Variants in NKAIN2 observed in about 807,000 individuals in gnomAD.
NKAIN2 encodes sodium/potassium transporting ATPase interacting 2.
NKAIN2 carries 14 observed loss-of-function variants against 32.6 expected under a neutral mutation model. The ratio of observed to expected loss-of-function variants is 0.43; its 90% confidence interval spans 0.28 to 0.67. NKAIN2 has a LOEUF of 0.67. NKAIN2 is among the 30% of genes least tolerant of loss of function. NKAIN2 has a pLI of 0.17. For synonymous variants in NKAIN2, 80 were observed against 87.2 expected, an observed-to-expected ratio of 0.92 and a Z score of 0.46; for missense variants, 198 against 258.3, an observed-to-expected ratio of 0.77 and a Z score of 1.60.
intron 1 of NKAIN2, among the ~76,000 whole-genome samples, chr6:123,933,764 G>A (rs574958316): frequency 1.2e-4 from 19 of 152,280 alleles, no homozygotes; most frequent in African/African-American, 3.4e-4. Context: ...AGTCATAGGC[G>A]TAGCCCTTAC....
chr6:123,863,666 G>A (rs1055263865), intron 1 of NKAIN2, among the ~76,000 whole-genome samples: 1 of 152,144 alleles, frequency 6.6e-6, no homozygotes, highest in Non-Finnish European at 1.5e-5. Context: ...GTACACCTTG[G>A]TGCCTTCCAT....
At chr6:124,443,955 T>C (rs1775792311) in intron 3 of NKAIN2, among the ~76,000 whole-genome samples, 1 of 152,058 alleles carries the variant, frequency 6.6e-6, no homozygotes, top group South Asian at 2.1e-4. Context: ...CTTCATATAC[T>C]CTTATATGAC....
At chr6:123,996,954 C>T (rs1779644191) in intron 1 of NKAIN2, among the ~76,000 whole-genome samples, 1 of 152,044 alleles carries the variant, frequency 6.6e-6, no homozygotes, top group Admixed American at 6.6e-5. Context: ...TTTTTGATAT[C>T]ATCATTTGAA....
chr6:124,223,767 G>C (rs1472045685), intron 1 of NKAIN2, among the ~76,000 whole-genome samples: 1 of 152,092 alleles, frequency 6.6e-6, no homozygotes, highest in Non-Finnish European at 1.5e-5. Flanking sequence ...CTTCCCTATT[G>C]AGAGTTAGTT....
At chr6:124,383,036 G>T (rs540483228) in intron 3 of NKAIN2, among the ~76,000 whole-genome samples, 2 of 152,030 alleles carry the variant, frequency 1.3e-5, no homozygotes. Context: ...CAAGCATAGC[G>T]GTTAGCATTT....
At chr6:124,275,556 A>T (rs1181979604) in intron 1 of NKAIN2, among the ~76,000 whole-genome samples, 1 of 152,134 alleles carries the variant, frequency 6.6e-6, no homozygotes, top group Non-Finnish European at 1.5e-5. Context: ...AAACAGAGGA[A>T]TTATAATGTT....
intron 5 of NKAIN2, among the ~76,000 whole-genome samples, chr6:124,799,658 CAA>C (rs1327060810): frequency 6.6e-6 from 1 of 152,028 alleles, no homozygotes; most frequent in African/African-American, 2.4e-5. Context: ...TGGGGTGTAA[CAA>C]AAGAGGTATT....
At chr6:124,078,994 C>A (rs1053680826) in intron 1 of NKAIN2, among the ~76,000 whole-genome samples, 1 of 151,772 alleles carries the variant, frequency 6.6e-6, no homozygotes, top group Non-Finnish European at 1.5e-5. Context: ...TTCCTTATTA[C>A]CTGTATGTGT....
intron 1 of NKAIN2, among the ~76,000 whole-genome samples, chr6:124,143,324 G>T (rs974870707): frequency 1.3e-5 from 2 of 152,252 alleles, no homozygotes; most frequent in South Asian, 4.1e-4. Context: ...GCAAGGCATA[G>T]TGTGCACACA....
At chr6:123,923,482 T>C (rs181536894) in intron 1 of NKAIN2, among the ~76,000 whole-genome samples, 2 of 152,178 alleles carry the variant, frequency 1.3e-5, no homozygotes, top group African/African-American at 4.8e-5. Context: ...CTTATACATC[T>C]GACCATAATT....
At chr6:124,447,609 G>C (rs756214581) in intron 3 of NKAIN2, among the ~76,000 whole-genome samples, 1 of 152,074 alleles carries the variant, frequency 6.6e-6, no homozygotes, top group East Asian at 1.9e-4. Flanking sequence ...GTGATTGAAC[G>C]GCACTTTCTT....
intron 4 of NKAIN2, among the ~76,000 whole-genome samples, chr6:124,680,612 T>C: frequency 6.6e-6 from 1 of 152,266 alleles, no homozygotes; most frequent in Middle Eastern, 3.4e-3. Flanking sequence ...AATTAAAATA[T>C]ATTTATTGAT....
intron 4 of NKAIN2, among the ~76,000 whole-genome samples, chr6:124,685,090 G>C (rs957606186): frequency 6.6e-6 from 1 of 152,070 alleles, no homozygotes; most frequent in Non-Finnish European, 1.5e-5. Context: ...CTTATCACAT[G>C]GTATTGGAAG....
chr6:124,251,490 T>C (rs1016291960), intron 1 of NKAIN2, among the ~76,000 whole-genome samples: 1 of 151,966 alleles, frequency 6.6e-6, no homozygotes, highest in African/African-American at 2.4e-5. Context: ...AAAAAACTTA[T>C]ATAACTTAAG....
chr6:124,253,212 T>G (rs1793766896), intron 1 of NKAIN2, among the ~76,000 whole-genome samples: 1 of 152,180 alleles, frequency 6.6e-6, no homozygotes, highest in South Asian at 2.1e-4. Context: ...CCTTGCACAT[T>G]TTCCACTAAT....
chr6:124,704,513 A>T (rs1010954878), intron 4 of NKAIN2, among the ~76,000 whole-genome samples: 3 of 151,914 alleles, frequency 2.0e-5, no homozygotes, highest in Non-Finnish European at 2.9e-5. Flanking sequence ...AATAATAAAA[A>T]AACATGTTGG....
intron 5 of NKAIN2, among the ~76,000 whole-genome samples, chr6:124,810,852 T>C (rs1319365886): frequency 6.6e-6 from 1 of 151,354 alleles, no homozygotes; most frequent in South Asian, 2.1e-4. Context: ...AACACTTTAG[T>C]GACCTTTCAT....
Position 124,204,533 on chromosome 6 carries a change from A to G in NKAIN2, c.55-78472A>G, listed in dbSNP as rs147862481. 2.6e-5 allele frequency among the ~76,000 whole-genome samples: 4 copies of G among 151,994 alleles called. No homozygotes were observed. In the East Asian group the frequency reaches 7.7e-4, roughly 29 times the overall value. ...TTGATTACCACATTAAGTATAAGAC[A>G]TAATTCTTTCTTTTATTTTTGATTT... On this transcript the variant is annotated intron_variant, in intron 1 of 6. Coordinates refer to ENST00000368417, the MANE Select transcript of NKAIN2 (RefSeq NM_001040214.3).
intron 1 of NKAIN2, among the ~76,000 whole-genome samples, chr6:123,988,011 G>A (rs374592823): frequency 2.6e-5 from 4 of 152,284 alleles, no homozygotes; most frequent in African/African-American, 9.6e-5. Context: ...TATGTCAGAT[G>A]TTACTGGGAT....
Sources: allele counts gnomAD v4.1 joint callset (sites outside exome capture counted in the v4.1 genomes callset), GRCh38; gene constraint gnomAD v4.1.1; transcripts MANE v1.5; gene names NCBI Gene and HGNC (gene_info 2026-07-23, HGNC 2026-07-21).